TRPM3: variants seen among roughly 807,000 people sequenced by gnomAD.
The protein encoded by TRPM3 is long transient receptor potential channel 3.
Under a neutral mutation model 181.2 loss-of-function variants are expected in TRPM3, and 77 were observed. The observed-to-expected ratio is 0.42, with a 90% CI of 0.35 to 0.51. TRPM3 has a LOEUF of 0.51. TRPM3 is among the 20% of genes least tolerant of loss of function. The pLI is 0.01. For missense variants in TRPM3, 1,759 were observed against 2,196.7 expected (o/e 0.80, Z 3.98); for synonymous variants, 745 against 796.4 (o/e 0.94, Z 1.09).
Position 71,033,155 on chromosome 9 carries a change from C to T in TRPM3, c.177+88023G>A, listed in dbSNP as rs146660334. 1.8e-3 allele frequency among the ~76,000 whole-genome samples: 273 copies of T among 152,300 alleles called. 1 individual carries two copies. The highest frequency in any genetic ancestry group is 3.2e-3 in the Non-Finnish European group (215 of 68,028). ...AAGAAAGGGTCCTAGATGGTTGGGGCTTGTAGCCCTTAAAGCAAAAGGAAA... is the reference window on the plus strand; with the variant it reads ...AAGAAAGGGTCCTAGATGGTTGGGGTTTGTAGCCCTTAAAGCAAAAGGAAA... On this transcript the variant is annotated intron_variant, in intron 1 of 25. Transcript: ENST00000677713.
chr9:70,537,498 C>G, intron 25 of TRPM3, 93 bp from the exon 26 acceptor site: 1 of 1,162,422 alleles, frequency 8.6e-7, no homozygotes, highest in Non-Finnish European at 1.1e-6. Context: ...CTGTGCCTGA[C>G]CTTGGTACCT....
intron 17 of TRPM3, among the ~76,000 whole-genome samples, chr9:70,616,624 G>A (rs1438904622): frequency 6.7e-6 from 1 of 149,172 alleles, no homozygotes; most frequent in Non-Finnish European, 1.5e-5. Flanking sequence ...AATACATGTA[G>A]GAAAGCATTT....
At chr9:71,239,951 A>C (rs1210725467) in intron 1 of TRPM3, among the ~76,000 whole-genome samples, 1 of 152,144 alleles carries the variant, frequency 6.6e-6, no homozygotes, top group Non-Finnish European at 1.5e-5. Context: ...TGTTGAAAAA[A>C]AGGAATTTCA....
At chr9:71,149,088 G>A (rs148544107) in intron 1 of TRPM3, among the ~76,000 whole-genome samples, 80 of 152,112 alleles carry the variant, frequency 5.3e-4, no homozygotes, top group African/African-American at 1.7e-3. Context: ...GAAGGATGGC[G>A]GGAAGGCAAG....
intron 1 of TRPM3, among the ~76,000 whole-genome samples, chr9:71,170,000 CAAAAAAA>C (rs34087746): frequency 1.3e-5 from 1 of 77,138 alleles, no homozygotes; most frequent in Non-Finnish European, 2.4e-5. Flanking sequence ...GACTCTGTCT[CAAAAAAA>C]AAAAAAAAAA....
chr9:71,442,277 T>C (rs181205594), intron 1 of TRPM3, among the ~76,000 whole-genome samples: 125 of 152,322 alleles, frequency 8.2e-4, no homozygotes, highest in African/African-American at 2.8e-3. Context: ...CTGTCTAAGG[T>C]TGAAAAACAA....
chr9:71,018,094 A>C (rs2097800493), intron 1 of TRPM3, among the ~76,000 whole-genome samples: 1 of 151,878 alleles, frequency 6.6e-6, no homozygotes, highest in Non-Finnish European at 1.5e-5. Context: ...CAAATATAAA[A>C]TCAAAATGGA....
chr9:71,038,732 C>T (rs1339454613), intron 1 of TRPM3, among the ~76,000 whole-genome samples: 7 of 152,130 alleles, frequency 4.6e-5, no homozygotes, highest in Admixed American at 4.6e-4. Flanking sequence ...CAATAGGGCA[C>T]ATGGACACTG....
intron 6 of TRPM3, among the ~76,000 whole-genome samples, chr9:70,791,922 C>G (rs2085522464): frequency 6.6e-6 from 1 of 152,108 alleles, no homozygotes; most frequent in South Asian, 2.1e-4. Flanking sequence ...ATCGACTGGC[C>G]TTCTTTTGGG....
intron 1 of TRPM3, among the ~76,000 whole-genome samples, 185 bp from the exon 2 acceptor site, chr9:70,864,696 T>C: frequency 6.6e-6 from 1 of 152,018 alleles, no homozygotes; most frequent in East Asian, 1.9e-4. Flanking sequence ...TTACTTCCCG[T>C]ACCTGCTGAT....
At chr9:70,603,902 C>T (rs2060523236) in intron 19 of TRPM3, among the ~76,000 whole-genome samples, 1 of 152,102 alleles carries the variant, frequency 6.6e-6, no homozygotes, top group Non-Finnish European at 1.5e-5. Flanking sequence ...CTGTGAGAAG[C>T]AAAGGAAGAG....
Position 70,780,292 on chromosome 9 carries a change from GT to G in TRPM3, c.1148+3812del, listed in dbSNP as rs1453293614. 3.3e-5 allele frequency among the ~76,000 whole-genome samples: 5 copies of G among 152,068 alleles called. No homozygotes were observed. In the South Asian group the frequency reaches 1.0e-3, roughly 32 times the overall value. On this transcript the variant is annotated intron_variant, in intron 7 of 25. Transcript: ENST00000677713. Reference sequence around the variant, plus strand: ...TTAAAACATTTTTAATCATATTTAAGTTACCAAAGTAATTGAAAAGATACTG... The same window carrying G: ...TTAAAACATTTTTAATCATATTTAAGTACCAAAGTAATTGAAAAGATACTG...
Position 70,589,781 on chromosome 9 carries a change from G to A in TRPM3, c.3223+1250C>T, listed in dbSNP as rs2057799535. ...GATTGCCTTAGATAACGCATTTTGA[G>A]AAGGAAAGTGTGTTTGTTCAAAATC... On this transcript the variant is annotated intron_variant, in intron 22 of 25. Transcript: ENST00000677713. Among the ~76,000 whole-genome samples the A allele has an allele frequency of 1.3e-5, 2 of 152,212 alleles. 1 individual carries two copies. The highest frequency in any genetic ancestry group is 4.1e-4 in the South Asian group (2 of 4,836).
At chr9:71,183,279 C>T (rs1342041805) in intron 1 of TRPM3, among the ~76,000 whole-genome samples, 1 of 152,146 alleles carries the variant, frequency 6.6e-6, no homozygotes, top group African/African-American at 2.4e-5. Context: ...CTCACCACTA[C>T]CTGTTCGTCT....
At chr9:70,744,903 G>A (rs1428825602) in intron 8 of TRPM3, among the ~76,000 whole-genome samples, 1 of 152,140 alleles carries the variant, frequency 6.6e-6, no homozygotes, top group Non-Finnish European at 1.5e-5. Flanking sequence ...GCAGAAAGAT[G>A]CTCTTGGTTT....
intron 1 of TRPM3, among the ~76,000 whole-genome samples, chr9:71,401,769 T>C (rs1383916458): frequency 5.3e-5 from 8 of 152,206 alleles, no homozygotes; most frequent in Non-Finnish European, 8.8e-5. Flanking sequence ...GGCAAAGCAC[T>C]TGCTTGCCAT....
At chr9:71,310,504 G>A (rs1476638687) in intron 1 of TRPM3, among the ~76,000 whole-genome samples, 1 of 151,972 alleles carries the variant, frequency 6.6e-6, no homozygotes, top group African/African-American at 2.4e-5. Flanking sequence ...AGGCTCTTTT[G>A]GCTGGAAAGT....
intron 1 of TRPM3, among the ~76,000 whole-genome samples, chr9:71,262,996 CTG>C (rs1367013137): frequency 6.6e-6 from 1 of 152,200 alleles, no homozygotes; most frequent in Non-Finnish European, 1.5e-5. Flanking sequence ...ATGGTAATAA[CTG>C]TATTTGATTA....
intron 1 of TRPM3, among the ~76,000 whole-genome samples, chr9:71,339,522 A>ATG (rs2090807004): frequency 4.0e-3 from 2 of 494 alleles, no homozygotes; most frequent in Admixed American, 0.091. Flanking sequence ...ACTCAATAAC[A>ATG]TAGAAATTTA....
Sources: allele counts gnomAD v4.1 joint callset (sites outside exome capture counted in the v4.1 genomes callset), GRCh38; gene constraint gnomAD v4.1.1; transcripts MANE v1.5; gene names NCBI Gene and HGNC (gene_info 2026-07-23, HGNC 2026-07-21).